UBE4B: variants seen among roughly 807,000 people sequenced by gnomAD.
UBE4B encodes ubiquitination factor E4B, also known as ubiquitin conjugation factor E4 B.
Under a neutral mutation model 148.1 loss-of-function variants are expected in UBE4B, and 27 were observed. That is an observed-to-expected ratio of 0.18 (90% CI 0.13 to 0.25). The LOEUF (loss-of-function observed/expected upper bound fraction) is 0.25. Among genes scored for constraint, UBE4B ranks in the 10% least tolerant of loss-of-function variants. The pLI is 1.00. For synonymous variants in UBE4B, 596 were observed against 619.3 expected (o/e 0.96, Z 0.56); for missense variants, 1,170 against 1,662.4 (o/e 0.70, Z 5.15).
At chr1:10,094,985 G>T (rs1035656603) in intron 2 of UBE4B, among the ~76,000 whole-genome samples, 9 of 152,064 alleles carry the variant, frequency 5.9e-5, no homozygotes, top group Non-Finnish European at 1.0e-4. Context: ...CACCATGTTG[G>T]CCAGGCTAAT....
At chr1:10,060,494 C>T (rs1644263580) in intron 1 of UBE4B, among the ~76,000 whole-genome samples, 1 of 152,144 alleles carries the variant, frequency 6.6e-6, no homozygotes, top group Admixed American at 6.5e-5. Context: ...TGTCGTTATG[C>T]AGCCCATGAC....
chr1:10,047,914 C>A (rs1439413314), intron 1 of UBE4B, among the ~76,000 whole-genome samples: 1 of 152,060 alleles, frequency 6.6e-6, no homozygotes, highest in African/African-American at 2.4e-5. Flanking sequence ...TTTTGTCACC[C>A]AGGCTAGAGT....
intron 7 of UBE4B, among the ~76,000 whole-genome samples, chr1:10,110,557 GA>G (rs984792751): frequency 8.5e-4 from 127 of 149,356 alleles, no homozygotes; most frequent in Middle Eastern, 3.4e-3. Context: ...AAGTTGATCT[GA>G]AAAAAAAAAT....
intron 21 of UBE4B, among the ~76,000 whole-genome samples, chr1:10,158,148 T>G (rs765219620): frequency 6.6e-6 from 1 of 152,158 alleles, no homozygotes; most frequent in African/African-American, 2.4e-5. Flanking sequence ...TTAGGTGTTG[T>G]GTCATTGTCA....
chr1:10,080,526 C>CA (rs1644661382), intron 2 of UBE4B, among the ~76,000 whole-genome samples: 1 of 151,966 alleles, frequency 6.6e-6, no homozygotes, highest in Non-Finnish European at 1.5e-5. Flanking sequence ...AAACTAAAAA[C>CA]AGAGCTACCA....
chr1:10,101,242 A>C, intron 4 of UBE4B, 47 bp downstream of exon 4: 4 of 1,575,266 alleles, frequency 2.5e-6, no homozygotes, highest in Non-Finnish European at 3.5e-6. Context: ...AAATAAACAC[A>C]TTTCATGTCT....
chr1:10,036,983 G>A (rs927216989), intron 1 of UBE4B, among the ~76,000 whole-genome samples: 1 of 152,116 alleles, frequency 6.6e-6, no homozygotes, highest in Non-Finnish European at 1.5e-5. Flanking sequence ...TTTAAATTAT[G>A]TGCACTTTTT....
rs571180099 is a variant in UBE4B at position 10,097,455 on chromosome 1, C to A, written c.347+1859C>A. Among the ~76,000 whole-genome samples the A allele has an allele frequency of 1.6e-3, 241 of 152,170 alleles. 2 individuals are homozygous for A. Among genetic ancestry groups the A allele is most frequent in the African/African-American group, 5.5e-3 (227 of 41,554 alleles). ...GCTCACTCTTATTCCACATTTTTTTCTCTACTGGTTTGAAAGATATTATTT... is the reference window on the plus strand; with the variant it reads ...GCTCACTCTTATTCCACATTTTTTTATCTACTGGTTTGAAAGATATTATTT... On this transcript the variant is annotated intron_variant, in intron 3 of 27. Transcript: ENST00000343090.
chr1:10,167,474 T>TAATAATAATAATAATAACGAC (rs535397393), intron 23 of UBE4B, among the ~76,000 whole-genome samples: 8 of 149,680 alleles, frequency 5.3e-5, no homozygotes, highest in African/African-American at 9.8e-5. Context: ...ATAATAATAA[T>TAATAATAATAATAATAACGAC]GACTAAGTAA....
At chr1:10,101,060 T>C (rs1410544429) in intron 3 of UBE4B, 48 bp from the exon 4 acceptor site, 1 of 1,546,782 alleles carries the variant, frequency 6.5e-7, no homozygotes, top group East Asian at 2.2e-5. Context: ...AGTGACATTG[T>C]GCGGATTTAT....
chr1:10,108,048 A>G (rs1034306941), intron 7 of UBE4B, among the ~76,000 whole-genome samples: 1 of 152,194 alleles, frequency 6.6e-6, no homozygotes, highest in African/African-American at 2.4e-5. Context: ...GTGAACTACC[A>G]GATGTGACAA....
Position 10,145,170 on chromosome 1 carries a change from T to G in UBE4B, c.2463+131T>G, listed in dbSNP as rs1343782777. 4 of 630,968 alleles carry G rather than the reference T, an allele frequency of 6.3e-6. No homozygotes were observed. In the African/African-American group the frequency reaches 7.3e-5, roughly 12 times the overall value. The allele number at this position is 630,968 out of a possible 1,614,324, so 39.1% of individuals were successfully genotyped here. A position where few individuals can be genotyped will look rare whatever the true frequency, so the allele number is the denominator to read the frequency against. ...GTTATTCTTTTCCCTTCCAATAAAA[T>G]AGTATATTTTAAAACTTGTTGATAC... On this transcript the variant is annotated intron_variant, in intron 18 of 27. Transcript: ENST00000343090.
intron 2 of UBE4B, among the ~76,000 whole-genome samples, chr1:10,089,256 T>C (rs1644810801): frequency 6.6e-6 from 1 of 151,640 alleles, no homozygotes; most frequent in African/African-American, 2.4e-5. Context: ...CTGCCCACCT[T>C]AGCCTCCCAA....
chr1:10,143,143 C>T (rs913166579), intron 17 of UBE4B, among the ~76,000 whole-genome samples: 1 of 151,904 alleles, frequency 6.6e-6, no homozygotes, highest in East Asian at 1.9e-4. Context: ...GTGTCTGACA[C>T]CTGTAATCCC....
In UBE4B at chr1:10,149,291, CT is replaced by C. The variant is rs1645932683; in HGVS notation, c.2690+12del. 1 of 1,579,860 alleles carries C rather than the reference CT, an allele frequency of 6.3e-7. No homozygotes were observed. Among genetic ancestry groups the C allele is most frequent in the South Asian group, 1.2e-5 (1 of 86,192 alleles). On this transcript the variant is annotated intron_variant, in intron 20 of 27. Transcript: ENST00000343090. ...TTATTTTTTATTGTACAGTAAGTGC[CT>C]TTAATATTTTACATAGTTCTAATAT...
At chr1:10,047,447 T>C (rs1026318559) in intron 1 of UBE4B, among the ~76,000 whole-genome samples, 4 of 151,812 alleles carry the variant, frequency 2.6e-5, no homozygotes, top group African/African-American at 9.7e-5. Flanking sequence ...GGAGAGGGCA[T>C]GTTCTATCCC....
intron 17 of UBE4B, among the ~76,000 whole-genome samples, chr1:10,139,162 G>A (rs1224063101): frequency 3.3e-5 from 5 of 152,330 alleles, no homozygotes; most frequent in Admixed American, 1.3e-4. Flanking sequence ...TTGGGAGGCC[G>A]AGGCAGACGG....
chr1:10,072,537 A>T, intron 2 of UBE4B: 1 of 706,344 alleles, frequency 1.4e-6, no homozygotes, highest in Non-Finnish European at 2.6e-6. Flanking sequence ...TGGTTTTAAG[A>T]TAAAATAATC....
chr1:10,174,420 G>A (rs924652044), intron 25 of UBE4B, among the ~76,000 whole-genome samples: 1 of 151,328 alleles, frequency 6.6e-6, no homozygotes, highest in Non-Finnish European at 1.5e-5. Context: ...GAAGTATTGG[G>A]CTGGGTGCGG....
Sources: allele counts gnomAD v4.1 joint callset (sites outside exome capture counted in the v4.1 genomes callset), GRCh38; gene constraint gnomAD v4.1.1; transcripts MANE v1.5; gene names NCBI Gene and HGNC (gene_info 2026-07-23, HGNC 2026-07-21).